PBXIP1: variants seen among roughly 807,000 people sequenced by gnomAD.
PBXIP1 encodes pre-B-cell leukemia transcription factor-interacting protein 1.
PBXIP1 carries 73 observed loss-of-function variants against 73.7 expected under a neutral mutation model. That is an observed-to-expected ratio of 0.99 (90% CI 0.82 to 1.20). The LOEUF (loss-of-function observed/expected upper bound fraction) is 1.20, where lower values mean the gene tolerates loss of function less well. Among genes scored for constraint, PBXIP1 ranks in the 50% most tolerant of loss-of-function variants. The pLI is 0.00. For missense variants in PBXIP1, 818 were observed against 911.4 expected (o/e 0.90, Z 1.32); for synonymous variants, 330 against 366.9 (o/e 0.90, Z 1.15).
At chr1:154,952,974 C>T (rs1174039054) in intron 2 of PBXIP1, among the ~76,000 whole-genome samples, 3 of 152,216 alleles carry the variant, frequency 2.0e-5, no homozygotes, top group Admixed American at 6.5e-5. Context: ...AAAGTCGCTA[C>T]GTCTTGGAAC....
Position 154,947,717 on chromosome 1 carries a change from G to C in PBXIP1, c.668-5C>G, listed in dbSNP as rs1203188102. 1.2e-6 allele frequency: 2 copies of C among 1,612,700 alleles called. No homozygotes were observed. The highest frequency in any genetic ancestry group is 1.7e-6 in the Non-Finnish European group (2 of 1,179,674). Reference sequence around the variant, plus strand: ...GCTCCACTTCCTCCATGGGCCCTGTGGGAAAGGGAAACCCTGAAACTGGTC... The same window carrying C: ...GCTCCACTTCCTCCATGGGCCCTGTCGGAAAGGGAAACCCTGAAACTGGTC... On this transcript the variant is annotated splice_region_variant and splice_polypyrimidine_tract_variant and intron_variant, in intron 7 of 10. Coordinates refer to ENST00000368463, the MANE Select transcript of PBXIP1 (RefSeq NM_020524.4).
In PBXIP1 at chr1:154,946,661, A is replaced by T. The variant is rs149851279; in HGVS notation, c.1013T>A (p.Leu338His). 9.9e-4 allele frequency: 1,604 copies of T among 1,612,624 alleles called. 18 individuals are homozygous for T. The African/African-American group carries it at 0.019, about 20-fold the overall frequency. ...GACACAGTCGGCCTCCAGCCCCTGGAGCCGGGCCCGCAGCTGCTGCAGCTC... is the reference window on the plus strand; with the variant it reads ...GACACAGTCGGCCTCCAGCCCCTGGTGCCGGGCCCGCAGCTGCTGCAGCTC... ...ESELQQLRAR[L>H]QGLEADCVRG... Residue 338 changes from leucine (L) to histidine (H), a missense_variant, in exon 10 of 11, where the codon CTC (leucine) becomes CAC (histidine). By Grantham distance (99) the Leu-to-His change is moderately conservative (BLOSUM62 -3). Coordinates refer to ENST00000368463, the MANE Select transcript of PBXIP1 (RefSeq NM_020524.4).
In PBXIP1 at chr1:154,946,715, C is replaced by T. The variant is rs1571395966; in HGVS notation, c.959G>A (p.Gly320Asp). The T allele has an allele frequency of 3.1e-6, 5 of 1,610,158 alleles. No homozygotes were observed. In the East Asian group the frequency reaches 1.1e-4, roughly 36 times the overall value. ...CTCCAGAGCCCGCTGGAAGGCTTCG[C>T]CCTGCTGCAGAGCCCCCCGGAGCTG... ...NAQLRGALQQGEAFQRALESE... is the reference protein window; with the variant it reads ...NAQLRGALQQDEAFQRALESE... Residue 320 changes from glycine to aspartate, a missense_variant, in exon 10 of 11, where the codon GGC (glycine) becomes GAC (aspartate). Coordinates refer to ENST00000368463, the MANE Select transcript of PBXIP1 (RefSeq NM_020524.4).
chr1:154,947,826 C>A, intron 7 of PBXIP1, 114 bp from the exon 8 acceptor site: 2 of 1,388,678 alleles, frequency 1.4e-6, no homozygotes, highest in South Asian at 1.2e-5. Context: ...TGTGGCTGAG[C>A]GGTTTGGTGA....
At position 154,951,087 on chromosome 1, in the gene PBXIP1, G is replaced by A. The variant is rs1047230846; in HGVS notation, c.409+145C>T. ...TCATTCAACCTTTCTGGGCCTCAAC[G>A]TCCCAGGGGTAGTGGTGAGAAAGGA... On this transcript the variant is annotated intron_variant, in intron 5 of 10. Coordinates refer to ENST00000368463, the MANE Select transcript of PBXIP1 (RefSeq NM_020524.4). The surrounding 1 kb of genome is among the most constrained non-coding windows in gnomAD (Gnocchi z 4.3). 7.1e-6 allele frequency: 5 copies of A among 702,476 alleles called. No individual in the cohort carries two copies. Among genetic ancestry groups the A allele is most frequent in the Admixed American group, 5.6e-5 (2 of 35,972 alleles). The allele number at this position is 702,476 out of a possible 1,614,324, so 43.5% of individuals were successfully genotyped here.
chr1:154,949,863 G>T (rs2101986533), intron 5 of PBXIP1, among the ~76,000 whole-genome samples: 2 of 152,100 alleles, frequency 1.3e-5, no homozygotes, highest in East Asian at 3.9e-4. Flanking sequence ...ATTCCTTTTG[G>T]GGGAGGATGC....
chr1:154,948,320 G>C lies in PBXIP1; in HGVS notation c.456C>G (p.Thr152=). The part of the protein sequence containing the change: ...EGRCSSSDDD[T]DVDMEGLRRR... ...TCCGCAGACCCTCCATGTCCACGTC[G>C]GTGTCATCGTCACTGCTGGAGCAGC... is the stretch of plus-strand genomic sequence containing the variant. The change falls in exon 6 of 11, where the codon ACC becomes ACG. Residue 152 remains threonine (T), a synonymous_variant. Transcript: ENST00000368463. 1 of 1,609,482 alleles carries C rather than the reference G, an allele frequency of 6.2e-7. No homozygotes were observed. The highest frequency in any genetic ancestry group is 8.5e-7 in the Non-Finnish European group (1 of 1,178,224).
chr1:154,954,450 A>G (rs557569306), intron 1 of PBXIP1, among the ~76,000 whole-genome samples: 1 of 152,366 alleles, frequency 6.6e-6, no homozygotes, highest in Admixed American at 6.5e-5. Flanking sequence ...GGCATAGCTT[A>G]GATCCACCTG....
Position 154,944,947 on chromosome 1 carries a change from G to C in PBXIP1, c.*77C>G, listed in dbSNP as rs1319222353. The C allele has an allele frequency of 1.2e-5, 15 of 1,207,692 alleles. No homozygotes were observed. Among genetic ancestry groups the C allele is most frequent in the Non-Finnish European group, 1.7e-5 (14 of 818,220 alleles). 74.8% of individuals were successfully genotyped at this position (1,207,692 alleles called of 1,614,324 possible). A position where few individuals can be genotyped will look rare whatever the true frequency, so the allele number is the denominator to read the frequency against. On this transcript the variant is annotated 3_prime_UTR_variant, in exon 11 of 11. Coordinates refer to ENST00000368463, the MANE Select transcript of PBXIP1 (RefSeq NM_020524.4). ...AGGACACCAAACAAGCCAGGACAGA[G>C]TCCACCCTCCAGGAGTTAGATAACG... is the stretch of plus-strand genomic sequence containing the variant.
intron 1 of PBXIP1, 65 bp from the exon 2 acceptor site, chr1:154,953,822 C>G: frequency 9.3e-7 from 1 of 1,076,086 alleles, no homozygotes; most frequent in Non-Finnish European, 1.4e-6. Flanking sequence ...CAGAAAGCAG[C>G]CTTGGCTGGG....
In PBXIP1 at chr1:154,945,589, G is replaced by T. The variant is rs1654775899; in HGVS notation, c.2085C>A (p.Asp695Glu). ...CTGCCCACCTCTTCTTCAGTGCTTT[G>T]TCTCCAAAGAAGTGGCTGAAGATGA... ...EDFIFSHFFG[D>E]KALKKRSGKK... The change falls in exon 10 of 11, where the codon GAC becomes GAA. Residue 695 changes from aspartate to glutamate, a missense_variant. Physicochemically the swap from Asp to Glu is conservative, Grantham distance 45. Coordinates refer to ENST00000368463, the MANE Select transcript of PBXIP1 (RefSeq NM_020524.4). 1.2e-6 allele frequency: 2 copies of T among 1,612,956 alleles called. No homozygotes were observed. The highest frequency in any genetic ancestry group is 1.7e-6 in the Non-Finnish European group (2 of 1,179,160).
chr1:154,954,834 C>G (rs981122280), intron 1 of PBXIP1: 3 of 273,610 alleles, frequency 1.1e-5, no homozygotes, highest in Non-Finnish European at 1.7e-5. Context: ...GATAGATGAG[C>G]TGACCTCTCA....
intron 10 of PBXIP1, among the ~76,000 whole-genome samples, 200 bp from the exon 11 acceptor site, chr1:154,945,317 T>C (rs886073124): frequency 6.6e-6 from 1 of 152,132 alleles, no homozygotes; most frequent in African/African-American, 2.4e-5. Flanking sequence ...CCCTGGGCCA[T>C]GCAGGTAGAG....
In PBXIP1 at chr1:154,947,686, C is replaced by G. The variant is rs1478079916; in HGVS notation, c.694G>C (p.Val232Leu). The change falls in exon 8 of 11, where the codon GTC becomes CTC. Residue 232 changes from valine to leucine, a missense_variant. By Grantham distance (32) the Val-to-Leu change is conservative. Transcript: ENST00000368463. ...TCCAGCACCTCGGGGTCTGGGAGGA[C>G]CTGCCGCTCCACTTCCTCCATGGGC... ...TGPMEEVERQ[V>L]LPDPEVLEAV... is the part of the protein sequence containing the mutation. The G allele has an allele frequency of 1.2e-6, 2 of 1,613,844 alleles. No homozygotes were observed. The highest frequency in any genetic ancestry group is 2.2e-5 in the South Asian group (2 of 91,078).
rs751410326 is a variant in PBXIP1 at position 154,948,421 on chromosome 1, C to G, written c.410-55G>C. 4.7e-6 allele frequency: 6 copies of G among 1,284,482 alleles called. No individual in the cohort carries two copies. In the Admixed American group the frequency reaches 1.3e-4, roughly 28 times the overall value. 79.6% of individuals were successfully genotyped at this position (1,284,482 alleles called of 1,614,324 possible). Reference sequence around the variant, plus strand: ...AGGTGACTGGAGAGATGGGGAGACACAGGGAGAGAGGGGAATCAGAGGAAG... The same window carrying G: ...AGGTGACTGGAGAGATGGGGAGACAGAGGGAGAGAGGGGAATCAGAGGAAG... On this transcript the variant is annotated intron_variant, in intron 5 of 10. Coordinates refer to ENST00000368463, the MANE Select transcript of PBXIP1 (RefSeq NM_020524.4).
chr1:154,948,511 C>A, intron 5 of PBXIP1, 145 bp from the exon 6 acceptor site: 1 of 589,792 alleles, frequency 1.7e-6, no homozygotes, highest in Non-Finnish European at 2.9e-6. Context: ...TGCCCACTTG[C>A]CCACTTCTGC....
rs747003151 is a variant in PBXIP1 at position 154,945,137 on chromosome 1, T to C, written c.2103-20A>G. On this transcript the variant is annotated intron_variant, in intron 10 of 10. Coordinates refer to ENST00000368463, the MANE Select transcript of PBXIP1 (RefSeq NM_020524.4). ...CCTGACCTGTGGGGAGGAAGAGGCC[T>C]TTAGGGGACAATACCATGCAATGAA... is the stretch of plus-strand genomic sequence containing the variant. The C allele has an allele frequency of 1.3e-6, 2 of 1,577,096 alleles. No individual in the cohort carries two copies. The highest frequency in any genetic ancestry group is 1.7e-6 in the Non-Finnish European group (2 of 1,146,472).
intron 9 of PBXIP1, 77 bp from the exon 10 acceptor site, chr1:154,946,880 C>T: frequency 1.4e-6 from 2 of 1,402,746 alleles, no homozygotes; most frequent in African/African-American, 2.9e-5. Flanking sequence ...ACCCCAATTC[C>T]ATTCTATTAT....
At position 154,946,442 on chromosome 1, in the gene PBXIP1, T is replaced by C. The variant is rs369457314; in HGVS notation, c.1232A>G (p.Asp411Gly). ...QRRLLGSVQQ[D>G]LERSLQDASR... ...GGCATCCTGCAAGCTCCTCTCCAGATCCTGCTGTACAGACCCCAGCAGCCG... is the reference window on the plus strand; with the variant it reads ...GGCATCCTGCAAGCTCCTCTCCAGACCCTGCTGTACAGACCCCAGCAGCCG... The change falls in exon 10 of 11, where the codon GAT becomes GGT. Residue 411 changes from aspartate (D) to glycine (G), a missense_variant. Transcript: ENST00000368463. The C allele has an allele frequency of 3.7e-5, 59 of 1,609,374 alleles. No individual in the cohort carries two copies. The highest frequency in any genetic ancestry group is 1.6e-4 in the Middle Eastern group (1 of 6,084).
Sources: allele counts gnomAD v4.1 joint callset (sites outside exome capture counted in the v4.1 genomes callset), GRCh38; gene constraint gnomAD v4.1.1; non-coding constraint Gnocchi (gnomAD v3.1); transcripts MANE v1.5; gene names NCBI Gene and HGNC (gene_info 2026-07-23, HGNC 2026-07-21).